Variants in PCDHGA2 observed in about 807,000 individuals in gnomAD.
PCDHGA2 encodes the protein protocadherin gamma-A2.
In PCDHGA2, 40 loss-of-function variants were observed where a neutral mutation model predicts 59.2. That is an observed-to-expected ratio of 0.68 (90% CI 0.52 to 0.88). The LOEUF is 0.88. Ranked by LOEUF, PCDHGA2 falls within the 40% of genes least tolerant of loss-of-function variation. PCDHGA2 has a pLI of 0.00. For synonymous variants in PCDHGA2, 560 were observed against 526.0 expected (o/e 1.06, Z -0.89); for missense variants, 1,226 against 1,204.0 (o/e 1.02, Z -0.27).
intron 1 of PCDHGA2, chr5:141,399,261 T>G: frequency 1.2e-6 from 2 of 1,613,918 alleles, no homozygotes; most frequent in Non-Finnish European, 1.7e-6. Context: ...ATGGGGAGGT[T>G]AATTGTCAAT....
chr5:141,340,522 G>C lies in PCDHGA2; in HGVS notation c.1551G>C (p.Leu517=). The C allele has an allele frequency of 6.2e-7, 1 of 1,614,228 alleles. No homozygotes were observed. Among genetic ancestry groups the C allele is most frequent in the Non-Finnish European group, 8.5e-7 (1 of 1,180,034 alleles). ...CCGACACTGGAGTACTCTATGCACTGCGCTCCTTTGATTATGAGCAGTTGC... is the reference window on the plus strand; with the variant it reads ...CCGACACTGGAGTACTCTATGCACTCCGCTCCTTTGATTATGAGCAGTTGC... The part of the protein sequence containing the change: ...INSDTGVLYA[L]RSFDYEQLRD... The change falls in exon 1 of 4, where the codon CTG becomes CTC. Residue 517 remains leucine, a synonymous_variant. Coordinates refer to ENST00000394576, the MANE Select transcript of PCDHGA2 (RefSeq NM_018915.4).
chr5:141,389,576 G>C, intron 1 of PCDHGA2: 1 of 1,613,196 alleles, frequency 6.2e-7, no homozygotes, highest in East Asian at 2.2e-5. Context: ...TGTACCCCGC[G>C]CTGGGTCCCG....
At chr5:141,405,047 G>T (rs754907464) in intron 1 of PCDHGA2, 1 of 1,613,944 alleles carries the variant, frequency 6.2e-7, no homozygotes, top group Non-Finnish European at 8.5e-7. Flanking sequence ...GGCTGTGGCA[G>T]TCGTCTCCTG....
intron 1 of PCDHGA2, chr5:141,414,071 A>C: frequency 6.2e-7 from 1 of 1,606,780 alleles, no homozygotes; most frequent in Non-Finnish European, 8.5e-7. Flanking sequence ...TTCCAACTAA[A>C]CAAATATACT....
chr5:141,497,596 G>C (rs920597006), intron 2 of PCDHGA2, among the ~76,000 whole-genome samples: 1 of 149,648 alleles, frequency 6.7e-6, no homozygotes, highest in Admixed American at 6.7e-5. Context: ...CTGGAGTGCA[G>C]TGGTGCGATC....
chr5:141,433,849 A>C (rs116534867), intron 1 of PCDHGA2, among the ~76,000 whole-genome samples: 2,948 of 152,020 alleles, frequency 0.019, 43 homozygotes, highest in African/African-American at 0.028. Context: ...AAAAAAAAAA[A>C]AAAAAACTTT....
chr5:141,430,632 C>T, intron 1 of PCDHGA2: 1 of 852,604 alleles, frequency 1.2e-6, no homozygotes, highest in Non-Finnish European at 1.7e-6. Flanking sequence ...AATGAACCAT[C>T]CCTGGGAGTA....
intron 1 of PCDHGA2, among the ~76,000 whole-genome samples, chr5:141,387,064 G>A (rs2090802887): frequency 6.6e-6 from 1 of 152,174 alleles, no homozygotes; most frequent in Admixed American, 6.5e-5. Context: ...ATGAGGAGAG[G>A]AGTAGGCTAC....
At chr5:141,349,031 G>A (rs1207539778) in intron 1 of PCDHGA2, among the ~76,000 whole-genome samples, 2 of 152,054 alleles carry the variant, frequency 1.3e-5, no homozygotes, top group Non-Finnish European at 1.5e-5. Context: ...AACTCGTTTT[G>A]CTCATTAATG....
intron 1 of PCDHGA2, chr5:141,345,708 G>A: frequency 6.2e-7 from 1 of 1,614,208 alleles, no homozygotes; most frequent in Non-Finnish European, 8.5e-7. Flanking sequence ...GAACGACAAC[G>A]CGCCCGAGAT....
intron 1 of PCDHGA2, chr5:141,405,545 A>G (rs952875482): frequency 1.6e-6 from 1 of 631,162 alleles, no homozygotes; most frequent in South Asian, 2.0e-5. Flanking sequence ...TCAGCCTCCC[A>G]AGTAGAGTAG....
intron 1 of PCDHGA2, chr5:141,395,958 A>G (rs1224647324): frequency 6.6e-6 from 1 of 152,208 alleles, no homozygotes; most frequent in Admixed American, 6.5e-5. Context: ...ACAAAAAACA[A>G]AAGCAAAAAC....
rs761938460 is a variant in PCDHGA2 at position 141,393,330 on chromosome 5, AG to A, written c.2424+51936del. On this transcript the variant is annotated intron_variant, in intron 1 of 3. Coordinates refer to ENST00000394576, the MANE Select transcript of PCDHGA2 (RefSeq NM_018915.4). The stretch of plus-strand genomic sequence containing the variant: ...GAACTCCCTCCAGAGCTACCAGCTC[AG>A]CCCCAATCACCACTTCTCCCTGGAC... The A allele has an allele frequency of 3.7e-6, 6 of 1,611,072 alleles. No individual in the cohort carries two copies. In the African/African-American group the frequency reaches 6.8e-5, roughly 18 times the overall value.
chr5:141,504,988 C>T (rs886919738), intron 2 of PCDHGA2, among the ~76,000 whole-genome samples: 2 of 152,036 alleles, frequency 1.3e-5, no homozygotes, highest in African/African-American at 4.8e-5. Context: ...ATGGTGAAAC[C>T]CCGTCTGTAC....
intron 1 of PCDHGA2, among the ~76,000 whole-genome samples, chr5:141,352,861 G>A (rs1041209949): frequency 2.6e-5 from 4 of 152,108 alleles, no homozygotes; most frequent in African/African-American, 9.7e-5. Context: ...GGTGGCACGC[G>A]CCTGTAGTCC....
At chr5:141,410,631 C>A (rs1227907799) in intron 1 of PCDHGA2, 1 of 1,600,936 alleles carries the variant, frequency 6.2e-7, no homozygotes, top group East Asian at 2.2e-5. Context: ...GTGAGTTTCT[C>A]TTTTTTGTGT....
intron 1 of PCDHGA2, chr5:141,345,826 C>T: frequency 6.2e-7 from 1 of 1,613,600 alleles, no homozygotes. Context: ...GACAGAGACT[C>T]GGGCCAGAAC....
At chr5:141,346,835 T>C (rs1410668727) in intron 1 of PCDHGA2, among the ~76,000 whole-genome samples, 2 of 152,236 alleles carry the variant, frequency 1.3e-5, no homozygotes, top group East Asian at 3.8e-4. Context: ...TAAATAGGCC[T>C]TTTTCATTTT....
At chr5:141,414,740 G>A (rs776833780) in intron 1 of PCDHGA2, 1 of 1,614,208 alleles carries the variant, frequency 6.2e-7, no homozygotes, top group South Asian at 1.1e-5. Flanking sequence ...TATGCACTCA[G>A]ATCCTTCGAC....
Sources: gnomAD v4.1 joint callset for allele counts (sites outside exome capture counted in the v4.1 genomes callset) on GRCh38, gnomAD v4.1.1 for gene constraint, MANE v1.5 for transcripts, NCBI Gene and HGNC (gene_info 2026-07-23, HGNC 2026-07-21) for gene names.